The following GRB2 variants were observed in gnomAD, a reference collection of about 807,000 sequenced individuals.
The protein encoded by GRB2 is growth factor receptor bound protein 2, also known as growth factor receptor-bound protein 2.
In GRB2, 2 loss-of-function variants were observed where a neutral mutation model predicts 27.4. That is an observed-to-expected ratio of 0.07 (90% confidence interval 0.03 to 0.23). The LOEUF is 0.23. Among genes scored for constraint, GRB2 ranks in the 10% least tolerant of loss-of-function variants. The probability of loss-of-function intolerance (pLI) is 1.00; values close to 1 mark genes in which losing one functional copy is unlikely to be tolerated. For synonymous variants in GRB2, 94 were observed against 99.6 expected, an observed-to-expected ratio of 0.94 and a Z score of 0.33; for missense variants, 102 against 282.4, an observed-to-expected ratio of 0.36 and a Z score of 4.58.
intron 2 of GRB2, among the ~76,000 whole-genome samples, chr17:75,366,439 T>C (rs139423858): frequency 1.4e-5 from 2 of 141,084 alleles, no homozygotes; most frequent in Non-Finnish European, 1.5e-5. Context: ...TCCCAGCACT[T>C]TGGGAGGCTG....
At chr17:75,371,048 G>C (rs1172824990) in intron 2 of GRB2, 1 of 152,314 alleles carries the variant, frequency 6.6e-6, no homozygotes, top group Non-Finnish European at 1.5e-5. Flanking sequence ...GGTGGCCCAT[G>C]CCTGTAATCC....
intron 2 of GRB2, among the ~76,000 whole-genome samples, chr17:75,337,546 A>G (rs1231129483): frequency 1.3e-5 from 2 of 150,666 alleles, no homozygotes; most frequent in Non-Finnish European, 2.9e-5. Flanking sequence ...TCCTTCACAA[A>G]TAATTTTTAT....
chr17:75,361,256 C>T (rs1464122241), intron 2 of GRB2, among the ~76,000 whole-genome samples: 1 of 152,172 alleles, frequency 6.6e-6, no homozygotes, highest in Admixed American at 6.5e-5. Flanking sequence ...ATTCAAATTC[C>T]AGTCTGTGTT....
chr17:75,358,901 A>G (rs1447764911), intron 2 of GRB2, among the ~76,000 whole-genome samples: 1 of 60,346 alleles, frequency 1.7e-5, no homozygotes, highest in Non-Finnish European at 5.6e-5. Flanking sequence ...AAAAAAAATT[A>G]TATATATATA....
At chr17:75,352,735 C>T (rs80092897) in intron 2 of GRB2, among the ~76,000 whole-genome samples, 3 of 152,228 alleles carry the variant, frequency 2.0e-5, no homozygotes, top group East Asian at 3.9e-4. Flanking sequence ...TTTAATGTCA[C>T]GGATGTCTAT....
At chr17:75,378,564 C>T (rs1228811168) in intron 2 of GRB2, among the ~76,000 whole-genome samples, 3 of 152,118 alleles carry the variant, frequency 2.0e-5, no homozygotes, top group African/African-American at 7.2e-5. Flanking sequence ...GAACGTACAA[C>T]ACTAACAAAC....
At chr17:75,338,753 G>T (rs2078599117) in intron 2 of GRB2, 1 of 551,506 alleles carries the variant, frequency 1.8e-6, no homozygotes, top group Non-Finnish European at 3.3e-6. Flanking sequence ...TTTAAGAGAT[G>T]AGGAATGAGG....
At chr17:75,332,264 A>G (rs2078546165) in intron 3 of GRB2, among the ~76,000 whole-genome samples, 1 of 152,194 alleles carries the variant, frequency 6.6e-6, no homozygotes, top group Non-Finnish European at 1.5e-5. Context: ...TGGAGGGATA[A>G]ACATTTATTG....
intron 4 of GRB2, 83 bp from the exon 5 acceptor site, chr17:75,321,910 G>A (rs1363059477): frequency 4.5e-6 from 6 of 1,330,324 alleles, no homozygotes; most frequent in African/African-American, 4.3e-5. Flanking sequence ...GAGCTATCTC[G>A]AGAGAACCAC....
chr17:75,366,533 C>G (rs1232179523), intron 2 of GRB2, among the ~76,000 whole-genome samples: 2 of 147,688 alleles, frequency 1.4e-5, no homozygotes, highest in Non-Finnish European at 3.0e-5. Flanking sequence ...GCTGCCGTGG[C>G]TCACACTGTA....
chr17:75,343,229 AATTCTG>A (rs1001343712), intron 2 of GRB2, among the ~76,000 whole-genome samples: 1 of 151,828 alleles, frequency 6.6e-6, no homozygotes, highest in African/African-American at 2.4e-5. Context: ...TGTGATGTCT[AATTCTG>A]ATTCGGTCTG....
intron 2 of GRB2, among the ~76,000 whole-genome samples, chr17:75,344,192 T>G (rs2078640211): frequency 6.6e-6 from 1 of 152,184 alleles, no homozygotes; most frequent in Admixed American, 6.5e-5. Context: ...GGTTATTCCC[T>G]GTCTGCATCT....
intron 2 of GRB2, among the ~76,000 whole-genome samples, chr17:75,350,658 A>T (rs1307694200): frequency 6.6e-6 from 1 of 151,946 alleles, no homozygotes; most frequent in African/African-American, 2.4e-5. Flanking sequence ...CGCGCAGCTA[A>T]TTTTTTTGTA....
Position 75,393,668 on chromosome 17 carries a change from G to A in GRB2, c.-40C>T. 1 of 1,536,758 alleles carries A rather than the reference G, an allele frequency of 6.5e-7. No individual in the cohort carries two copies. Among genetic ancestry groups the A allele is most frequent in the Middle Eastern group, 1.8e-4 (1 of 5,476 alleles). ...AGTGCTCAGCAGCCTGAAGCAGGGG[G>A]AAGGGAGTCTTCCCTGCTGAAGCAA... On this transcript the variant is annotated 5_prime_UTR_variant, in exon 2 of 6. Transcript: ENST00000316804.
At chr17:75,360,752 A>G (rs2078774854) in intron 2 of GRB2, among the ~76,000 whole-genome samples, 1 of 152,162 alleles carries the variant, frequency 6.6e-6, no homozygotes, top group Admixed American at 6.5e-5. Flanking sequence ...ATAAAATAAG[A>G]GTCCTATGAT....
chr17:75,322,300 A>G (rs2078465507), intron 4 of GRB2, among the ~76,000 whole-genome samples: 1 of 149,402 alleles, frequency 6.7e-6, no homozygotes, highest in South Asian at 2.2e-4. Context: ...TGAACCTGGG[A>G]GGCCGAGGTT....
chr17:75,340,226 T>C (rs1170382077), intron 2 of GRB2, among the ~76,000 whole-genome samples: 1 of 152,212 alleles, frequency 6.6e-6, no homozygotes, highest in Non-Finnish European at 1.5e-5. Flanking sequence ...GTGAAGCAAT[T>C]TGTGTGAGAA....
intron 2 of GRB2, among the ~76,000 whole-genome samples, chr17:75,338,437 G>A (rs954745353): frequency 1.3e-5 from 2 of 152,206 alleles, no homozygotes; most frequent in Non-Finnish European, 1.5e-5. Flanking sequence ...GTCTTCACTT[G>A]CTTATTCACT....
At chr17:75,378,985 G>C (rs2078911279) in intron 2 of GRB2, among the ~76,000 whole-genome samples, 1 of 152,118 alleles carries the variant, frequency 6.6e-6, no homozygotes, top group African/African-American at 2.4e-5. Flanking sequence ...CTAAGAGCCT[G>C]GCACAGAAAT....
Sources: gnomAD v4.1 joint callset for allele counts (sites outside exome capture counted in the v4.1 genomes callset) on GRCh38, gnomAD v4.1.1 for gene constraint, MANE v1.5 for transcripts, NCBI Gene and HGNC (gene_info 2026-07-23, HGNC 2026-07-21) for gene names.